The following DLC1 variants were observed in gnomAD, a reference collection of about 807,000 sequenced individuals.
DLC1 encodes the protein DLC1 Rho GTPase activating protein, also known as rho GTPase-activating protein 7.
DLC1 carries 54 observed loss-of-function variants against 140.3 expected under a neutral mutation model. The observed-to-expected ratio is 0.38, with a 90% CI of 0.31 to 0.48. DLC1 has a LOEUF of 0.48. Ranked by LOEUF, DLC1 falls within the 20% of genes least tolerant of loss-of-function variation. The pLI, the probability that DLC1 is intolerant of heterozygous loss-of-function variation, is 0.96. For synonymous variants in DLC1, 986 were observed against 728.1 expected, an observed-to-expected ratio of 1.35 and a Z score of -5.70; for missense variants, 2,536 against 1,907.0, an observed-to-expected ratio of 1.33 and a Z score of -6.14.
intron 2 of DLC1, among the ~76,000 whole-genome samples, chr8:13,428,484 C>T (rs1838703291): frequency 6.6e-6 from 1 of 152,118 alleles, no homozygotes; most frequent in South Asian, 2.1e-4. Flanking sequence ...GCTTTGAGAG[C>T]TCCTAAAGAA....
intron 1 of DLC1, among the ~76,000 whole-genome samples, chr8:13,570,936 C>T (rs968951170): frequency 3.3e-5 from 5 of 152,176 alleles, no homozygotes; most frequent in Non-Finnish European, 5.9e-5. Context: ...CTTGCTGGGC[C>T]ATGGTGCAGA....
chr8:13,214,559 T>G, intron 5 of DLC1: 1 of 396,904 alleles, frequency 2.5e-6, no homozygotes, highest in Non-Finnish European at 4.8e-6. Context: ...AACCCCACCT[T>G]TTTTTTTTTT....
At chr8:13,436,172 G>T (rs1839115573) in intron 2 of DLC1, among the ~76,000 whole-genome samples, 1 of 152,206 alleles carries the variant, frequency 6.6e-6, no homozygotes, top group South Asian at 2.1e-4. Flanking sequence ...CAGTGGTCTG[G>T]AATGGAACCT....
chr8:13,328,691 G>A (rs1180175705), intron 4 of DLC1, among the ~76,000 whole-genome samples: 1 of 152,150 alleles, frequency 6.6e-6, no homozygotes, highest in Non-Finnish European at 1.5e-5. Context: ...TTTGACATGG[G>A]AAGGGAGTGG....
At chr8:13,166,179 C>T (rs2116901028) in intron 5 of DLC1, among the ~76,000 whole-genome samples, 1 of 152,298 alleles carries the variant, frequency 6.6e-6, no homozygotes, top group Admixed American at 6.5e-5. Context: ...GCATGATTCT[C>T]TTCCCCTAAT....
intron 1 of DLC1, among the ~76,000 whole-genome samples, chr8:13,573,821 G>T (rs977549491): frequency 6.6e-6 from 1 of 152,076 alleles, no homozygotes; most frequent in African/African-American, 2.4e-5. Context: ...TATGCTCTAT[G>T]ACATTAATAT....
chr8:13,496,993 G>T (rs1242631209), intron 2 of DLC1, among the ~76,000 whole-genome samples: 1 of 151,320 alleles, frequency 6.6e-6, no homozygotes, highest in Non-Finnish European at 1.5e-5. Flanking sequence ...GTAGAGACAG[G>T]GTTTCACCAT....
intron 5 of DLC1, among the ~76,000 whole-genome samples, chr8:13,268,801 T>C (rs1830794676): frequency 1.3e-5 from 2 of 151,992 alleles, no homozygotes; most frequent in Admixed American, 1.3e-4. Context: ...ATAAGTATCT[T>C]CAGGTAAATT....
chr8:13,093,636 A>G (rs1818268803), intron 12 of DLC1, among the ~76,000 whole-genome samples: 1 of 152,208 alleles, frequency 6.6e-6, no homozygotes, highest in African/African-American at 2.4e-5. Context: ...CATAGGACAA[A>G]CTGATTAAAC....
At chr8:13,251,653 C>A (rs1830009843) in intron 5 of DLC1, among the ~76,000 whole-genome samples, 1 of 151,970 alleles carries the variant, frequency 6.6e-6, no homozygotes, top group African/African-American at 2.4e-5. Context: ...ACAATTGAAT[C>A]TTGTCAGCTG....
intron 5 of DLC1, among the ~76,000 whole-genome samples, chr8:13,294,157 T>C (rs1480731387): frequency 6.6e-6 from 1 of 152,200 alleles, no homozygotes; most frequent in African/African-American, 2.4e-5. Flanking sequence ...TTTTGACTGT[T>C]TCCATAGTTT....
chr8:13,221,903 A>AT (rs1828576093), intron 5 of DLC1, among the ~76,000 whole-genome samples: 1 of 143,092 alleles, frequency 7.0e-6, no homozygotes, highest in Admixed American at 7.1e-5. Context: ...TATATATTAA[A>AT]ATATATATTA....
chr8:13,425,578 G>A (rs1585086656), intron 2 of DLC1, among the ~76,000 whole-genome samples: 1 of 152,064 alleles, frequency 6.6e-6, no homozygotes, highest in African/African-American at 2.4e-5. Flanking sequence ...GGAGAGGGAT[G>A]TTATAAAGCC....
At chr8:13,522,508 C>G (rs1004819417) in intron 1 of DLC1, among the ~76,000 whole-genome samples, 2 of 151,820 alleles carry the variant, frequency 1.3e-5, no homozygotes, top group East Asian at 3.9e-4. Flanking sequence ...GCCTGTAATC[C>G]CATTTACTCG....
At chr8:13,176,545 C>T (rs1291836091) in intron 5 of DLC1, among the ~76,000 whole-genome samples, 1 of 152,148 alleles carries the variant, frequency 6.6e-6, no homozygotes, top group East Asian at 1.9e-4. Context: ...TGCCACTGCA[C>T]TCCAGCCTGG....
intron 4 of DLC1, among the ~76,000 whole-genome samples, chr8:13,370,321 G>A (rs949350665): frequency 1.3e-5 from 2 of 151,896 alleles, no homozygotes; most frequent in African/African-American, 4.8e-5. Flanking sequence ...TTCTGTTCAC[G>A]GATCCACTAC....
intron 2 of DLC1, among the ~76,000 whole-genome samples, chr8:13,481,816 G>C (rs1272284037): frequency 6.6e-6 from 1 of 152,164 alleles, no homozygotes; most frequent in Non-Finnish European, 1.5e-5. Context: ...TCATATTAGA[G>C]ATGGACAGGC....
chr8:13,492,645 A>T (rs1259272489), intron 2 of DLC1, among the ~76,000 whole-genome samples: 1 of 152,016 alleles, frequency 6.6e-6, no homozygotes, highest in African/African-American at 2.4e-5. Flanking sequence ...TTTGCAATGG[A>T]ATAAAGTCTG....
chr8:13,291,773 T>C (rs751091531), intron 5 of DLC1, among the ~76,000 whole-genome samples: 2 of 152,164 alleles, frequency 1.3e-5, no homozygotes, highest in Admixed American at 6.5e-5. Context: ...AGACCAAGCC[T>C]GAAACCCCTA....
Sources: allele counts gnomAD v4.1 joint callset (sites outside exome capture counted in the v4.1 genomes callset), GRCh38; gene constraint gnomAD v4.1.1; transcripts MANE v1.5; gene names NCBI Gene and HGNC (gene_info 2026-07-23, HGNC 2026-07-21).